Variants in TRIM6 observed in about 807,000 individuals in gnomAD.
TRIM6 encodes the protein tripartite motif-containing protein 6.
TRIM6 carries 43 observed loss-of-function variants against 51.2 expected under a neutral mutation model. That is an observed-to-expected ratio of 0.84 (90% confidence interval 0.66 to 1.08). The LOEUF is 1.08. TRIM6 is among the 50% of genes least tolerant of loss of function. The pLI is 0.00. For synonymous variants in TRIM6, 215 were observed against 232.4 expected (o/e 0.93, Z 0.68); for missense variants, 669 against 619.0 (o/e 1.08, Z -0.86).
chr11:5,608,248 G>A lies in TRIM6; in HGVS notation c.835-124G>A, dbSNP rs1848342707. 2.1e-6 allele frequency: 3 copies of A among 1,418,440 alleles called. No homozygotes were observed. In the African/African-American group the frequency reaches 4.3e-5, roughly 20 times the overall value. 87.9% of individuals were successfully genotyped at this position (1,418,440 alleles called of 1,614,324 possible). On this transcript the variant is annotated intron_variant, in intron 4 of 7. Coordinates refer to ENST00000380097, the MANE Select transcript of TRIM6 (RefSeq NM_001003818.3). Reference sequence around the variant, plus strand: ...CTGCCCTGAGTTTTTTCTCTACTTTGTGGCCTCCACATTAGGATTATCTTT... The same window carrying A: ...CTGCCCTGAGTTTTTTCTCTACTTTATGGCCTCCACATTAGGATTATCTTT...
In TRIM6 at chr11:5,603,549, G is replaced by A. The variant is rs1468884669; in HGVS notation, c.321G>A (p.Arg107=). ...ATCGGCATCTGGCCAACATAGTGAG[G>A]CGGCTCAGAGAGGTAGTGTTGGGCC... The part of the protein sequence containing the change: ...RPNRHLANIV[R]RLREVVLGPG... The change falls in exon 2 of 8, where the codon AGG becomes AGA. Residue 107 remains arginine, a synonymous_variant. Coordinates refer to ENST00000380097, the MANE Select transcript of TRIM6 (RefSeq NM_001003818.3). 6 of 1,614,082 alleles carry A rather than the reference G, an allele frequency of 3.7e-6. No individual in the cohort carries two copies. The highest frequency in any genetic ancestry group is 5.1e-6 in the Non-Finnish European group (6 of 1,180,030).
At chr11:5,603,214 C>A (rs917561647) in intron 1 of TRIM6, 32 bp from the exon 2 acceptor site, 1 of 1,597,620 alleles carries the variant, frequency 6.3e-7, no homozygotes, top group South Asian at 1.1e-5. Flanking sequence ...CTTTCTTACC[C>A]TGATCCTTTT....
At chr11:5,602,024 C>G in intron 1 of TRIM6, among the ~76,000 whole-genome samples, 1 of 152,070 alleles carries the variant, frequency 6.6e-6, no homozygotes, top group African/African-American at 2.4e-5. Context: ...AGTTGAGGAC[C>G]TATATGTCAG....
chr11:5,607,488 C>G (rs996405704), intron 4 of TRIM6, among the ~76,000 whole-genome samples: 1 of 152,072 alleles, frequency 6.6e-6, no homozygotes, highest in African/African-American at 2.4e-5. Context: ...TTATGTGGAC[C>G]AAACTTAAGC....
At chr11:5,603,204 CTT>C in intron 1 of TRIM6, 40 bp from the exon 2 acceptor site, 5 of 1,582,114 alleles carry the variant, frequency 3.2e-6, no homozygotes, top group Non-Finnish European at 3.4e-6. Context: ...ATTCTCCCTC[CTT>C]TCTTACCCTG....
intron 6 of TRIM6, 82 bp downstream of exon 6, chr11:5,610,327 A>G: frequency 1.3e-6 from 2 of 1,598,462 alleles, no homozygotes; most frequent in African/African-American, 2.7e-5. Flanking sequence ...TATAGTCGGT[A>G]TTTGAGCATA....
intron 2 of TRIM6, among the ~76,000 whole-genome samples, chr11:5,604,196 TAG>T (rs1483760100): frequency 6.6e-6 from 1 of 151,824 alleles, no homozygotes; most frequent in Non-Finnish European, 1.5e-5. Context: ...GTGTGTTTAG[TAG>T]AGATGGGGTT....
In TRIM6 at chr11:5,611,527, C is replaced by T; in HGVS notation, c.*185C>T. On this transcript the variant is annotated 3_prime_UTR_variant, in exon 8 of 8. Transcript: ENST00000380097. ...GGAGTGCACTGGCGCAATCTCGGCT[C>T]ACTGCAACCTCTGCCTCCTGGGTTC... 1 of 573,664 alleles carries T rather than the reference C, an allele frequency of 1.7e-6. No individual in the cohort carries two copies. The highest frequency in any genetic ancestry group is 3.0e-6 in the Non-Finnish European group (1 of 328,950). 35.5% of individuals were successfully genotyped at this position (573,664 alleles called of 1,614,324 possible).
chr11:5,605,253 C>A, intron 3 of TRIM6, 84 bp from the exon 4 acceptor site: 1 of 1,593,002 alleles, frequency 6.3e-7, no homozygotes. Context: ...GGAAAGCAGT[C>A]CTGAGCCCAA....
chr11:5,599,090 C>A (rs183713601), intron 1 of TRIM6, among the ~76,000 whole-genome samples: 1 of 152,144 alleles, frequency 6.6e-6, no homozygotes, highest in Non-Finnish European at 1.5e-5. Context: ...TGGGTTCTTT[C>A]ACTTTGCATG....
chr11:5,611,762 G>A lies in TRIM6; in HGVS notation c.*420G>A, dbSNP rs781698696. ...GCCGCCGCGCCCAGACAGTTCTTTC[G>A]TTTTAAACAGTTACTCAGTACTAGG... is the stretch of plus-strand genomic sequence containing the variant. On this transcript the variant is annotated 3_prime_UTR_variant, in exon 8 of 8. Transcript: ENST00000380097. 1.6e-5 allele frequency: 3 copies of A among 186,734 alleles called. No homozygotes were observed. Among genetic ancestry groups the A allele is most frequent in the East Asian group, 1.3e-4 (1 of 7,588 alleles). 11.6% of individuals were successfully genotyped at this position (186,734 alleles called of 1,614,324 possible).
chr11:5,604,537 A>T lies in TRIM6; in HGVS notation c.511A>T (p.Lys171Ter), dbSNP rs375651329. Residue 171 changes from lysine to a stop codon, truncating the protein, a stop_gained, in exon 3 of 8, where the codon AAG becomes TAG. Transcript: ENST00000380097. LOFTEE classifies it high-confidence loss of function. ...GACCTGATTTGTTTTCTTCAAGGAGAAGTTTCAGGAGTCTCTAAAGAAGCT... is the reference window on the plus strand; with the variant it reads ...GACCTGATTTGTTTTCTTCAAGGAGTAGTTTCAGGAGTCTCTAAAGAAGCT... ...VEEVAQEYQE[K>*]FQESLKKLKN... 2 of 1,609,736 alleles carry T rather than the reference A, an allele frequency of 1.2e-6. No homozygotes were observed.
At chr11:5,603,804 C>T in intron 2 of TRIM6, 69 bp downstream of exon 2, 3 of 1,563,748 alleles carry the variant, frequency 1.9e-6, no homozygotes, top group South Asian at 1.2e-5. Flanking sequence ...TTTTATCATG[C>T]TCTGATCTAA....
At chr11:5,603,199 CCCT>C (rs761895815) in intron 1 of TRIM6, 44 bp from the exon 2 acceptor site, 1 of 1,578,298 alleles carries the variant, frequency 6.3e-7, no homozygotes, top group African/African-American at 1.3e-5. Flanking sequence ...CCCTTATTCT[CCCT>C]CCTTTCTTAC....
intron 4 of TRIM6, among the ~76,000 whole-genome samples, chr11:5,607,119 G>T (rs1189369887): frequency 6.6e-6 from 1 of 152,140 alleles, no homozygotes; most frequent in East Asian, 1.9e-4. Flanking sequence ...CAGGAGAATG[G>T]CGCGAACCCA....
In TRIM6 at chr11:5,605,428, A is replaced by T; in HGVS notation, c.695A>T (p.Lys232Met). ...AGAGTGGAGCAACGGGAGCTGAAAA[A>T]GCTGGAACAGGAAGAGAAGAAGGGG... is the stretch of plus-strand genomic sequence containing the variant. ...LDRVEQRELK[K>M]LEQEEKKGLR... Residue 232 changes from lysine to methionine, a missense_variant, in exon 4 of 8, where the codon AAG becomes ATG. Lys to Met is a moderately conservative substitution (Grantham distance 95, BLOSUM62 -1). Coordinates refer to ENST00000380097, the MANE Select transcript of TRIM6 (RefSeq NM_001003818.3). 1 of 1,614,216 alleles carries T rather than the reference A, an allele frequency of 6.2e-7. No homozygotes were observed. Among genetic ancestry groups the T allele is most frequent in the Non-Finnish European group, 8.5e-7 (1 of 1,180,052 alleles).
At chr11:5,604,119 C>A in intron 2 of TRIM6, among the ~76,000 whole-genome samples, 1 of 152,130 alleles carries the variant, frequency 6.6e-6, no homozygotes, top group East Asian at 1.9e-4. Context: ...CCTGGCCTCC[C>A]AAGTAGCTAG....
In TRIM6 at chr11:5,603,452, T is replaced by C; in HGVS notation, c.224T>C (p.Val75Ala). ...ATCACACCAAATGGCAGGGAATCAG[T>C]GATTGGTCAAGAAGGGGAAAGAAGC... ...ACITPNGRES[V>A]IGQEGERSCP... is the part of the protein sequence containing the mutation. The change falls in exon 2 of 8, where the codon GTG (valine) becomes GCG (alanine). Residue 75 changes from valine to alanine, a missense_variant. Physicochemically the swap from Val to Ala is moderately conservative, Grantham distance 64. Coordinates refer to ENST00000380097, the MANE Select transcript of TRIM6 (RefSeq NM_001003818.3). 2 of 1,613,702 alleles carry C rather than the reference T, an allele frequency of 1.2e-6. No individual in the cohort carries two copies. Among genetic ancestry groups the C allele is most frequent in the Non-Finnish European group, 1.7e-6 (2 of 1,179,960 alleles).
rs1848151231 is a variant in TRIM6, at chr11:5,605,462, T to C, written c.729T>C (p.Ile243=). Residue 243 remains isoleucine (I), a synonymous_variant, in exon 4 of 8, where the codon ATT becomes ATC. Transcript: ENST00000380097. ...AGGAAGAGAAGAAGGGGCTACGAAT[T>C]ATAGAAGAGGCTGAGAATGATCTGG... ...LEQEEKKGLR[I]IEEAENDLVH... 6.2e-7 allele frequency: 1 copy of C among 1,614,100 alleles called. No homozygotes were observed. The highest frequency in any genetic ancestry group is 1.1e-5 in the South Asian group (1 of 91,078).
Sources: gnomAD v4.1 joint callset for allele counts (sites outside exome capture counted in the v4.1 genomes callset) on GRCh38, gnomAD v4.1.1 for gene constraint, MANE v1.5 for transcripts, NCBI Gene and HGNC (gene_info 2026-07-23, HGNC 2026-07-21) for gene names.